The following MALRD1 variants were observed in gnomAD, a reference collection of about 807,000 sequenced individuals.
MALRD1 encodes MAM and LDL receptor class A domain containing 1.
In MALRD1, 247 loss-of-function variants were observed where a neutral mutation model predicts 242.1. The ratio of observed to expected loss-of-function variants is 1.02; its 90% CI spans 0.92 to 1.13. MALRD1 has a LOEUF of 1.13. Among genes scored for constraint, MALRD1 ranks in the 50% most tolerant of loss-of-function variants. MALRD1 has a pLI of 0.00. For missense variants in MALRD1, 2,989 were observed against 2,533.1 expected, an observed-to-expected ratio of 1.18 and a Z score of -3.86; for synonymous variants, 995 against 866.6, an observed-to-expected ratio of 1.15 and a Z score of -2.60.
chr10:19,604,010 G>C (rs566930759), intron 34 of MALRD1, among the ~76,000 whole-genome samples: 128 of 152,238 alleles, frequency 8.4e-4, no homozygotes, highest in Non-Finnish European at 1.5e-3. Flanking sequence ...TAGCTTCTAC[G>C]TATTCAAGTG....
At chr10:19,733,927 G>T (rs911748628) in intron 39 of MALRD1, among the ~76,000 whole-genome samples, 7 of 152,120 alleles carry the variant, frequency 4.6e-5, no homozygotes, top group African/African-American at 1.7e-4. Flanking sequence ...GACCAGAGGT[G>T]AGGCAGTGGT....
chr10:19,450,232 C>T (rs973516980), intron 28 of MALRD1, 75 bp from the exon 29 acceptor site: 11 of 1,235,518 alleles, frequency 8.9e-6, no homozygotes, highest in South Asian at 1.6e-5. Flanking sequence ...AGATAAATAA[C>T]TGGGTTTTGC....
chr10:19,232,960 C>G (rs1838148805), intron 18 of MALRD1, among the ~76,000 whole-genome samples: 1 of 152,140 alleles, frequency 6.6e-6, no homozygotes, highest in African/African-American at 2.4e-5. Flanking sequence ...GTTTCTAATT[C>G]TTTCTGCTAG....
intron 32 of MALRD1, among the ~76,000 whole-genome samples, chr10:19,562,302 T>TAGAC (rs1330845141): frequency 2.6e-4 from 18 of 70,404 alleles, no homozygotes; most frequent in African/African-American, 1.2e-3. Context: ...CTTAGGTAGA[T>TAGAC]AGATAGATAG....
chr10:19,225,849 T>C (rs16915627), intron 18 of MALRD1, among the ~76,000 whole-genome samples: 31,456 of 152,122 alleles, frequency 0.21, 3,521 homozygotes, highest in East Asian at 0.35. Flanking sequence ...ATTTCTATCC[T>C]CTGGCTTTCT....
intron 18 of MALRD1, among the ~76,000 whole-genome samples, chr10:19,217,198 T>C (rs995238836): frequency 3.3e-5 from 5 of 152,118 alleles, no homozygotes; most frequent in Non-Finnish European, 7.3e-5. Context: ...TTAAAACCCA[T>C]TGGTGGCTTT....
intron 38 of MALRD1, among the ~76,000 whole-genome samples, chr10:19,704,441 T>C (rs1182429429): frequency 6.6e-6 from 1 of 152,286 alleles, no homozygotes; most frequent in East Asian, 1.9e-4. Flanking sequence ...TGCCTTCTTA[T>C]AAGGGCATGA....
chr10:19,673,568 A>G (rs1314516681), intron 36 of MALRD1, among the ~76,000 whole-genome samples: 1 of 152,130 alleles, frequency 6.6e-6, no homozygotes. Context: ...TCTTCTGTGC[A>G]TAAGATTTTT....
At chr10:19,694,892 A>G (rs1589411676) in intron 38 of MALRD1, among the ~76,000 whole-genome samples, 4 of 152,234 alleles carry the variant, frequency 2.6e-5, no homozygotes, top group South Asian at 4.1e-4. Flanking sequence ...CTATGCAGCC[A>G]TAAAAAATGA....
At chr10:19,406,970 A>G (rs1463161662) in intron 28 of MALRD1, among the ~76,000 whole-genome samples, 1 of 152,158 alleles carries the variant, frequency 6.6e-6, no homozygotes, top group Non-Finnish European at 1.5e-5. Context: ...CCTCGTGTAT[A>G]CCTTCCACCA....
In MALRD1 at chr10:19,668,317, G is replaced by A. The variant is rs139637732; in HGVS notation, c.6138-23965G>A. Among the ~76,000 whole-genome samples the A allele has an allele frequency of 5.9e-3, 905 of 152,186 alleles. 5 individuals are homozygous for A. The highest frequency in any genetic ancestry group is 8.1e-3 in the Non-Finnish European group (551 of 68,004). On this transcript the variant is annotated intron_variant, in intron 36 of 39. Coordinates refer to ENST00000454679, the MANE Select transcript of MALRD1 (RefSeq NM_001142308.3). Reference sequence around the variant, plus strand: ...AAAGATGGAAGTATTTCTCAATGGGGAGGCAAAATGACACCAGAATGAAGC... The same window carrying A: ...AAAGATGGAAGTATTTCTCAATGGGAAGGCAAAATGACACCAGAATGAAGC...
chr10:19,113,983 A>G (rs778550438), intron 5 of MALRD1, among the ~76,000 whole-genome samples: 1 of 152,228 alleles, frequency 6.6e-6, no homozygotes, highest in Non-Finnish European at 1.5e-5. Flanking sequence ...TGATTGAACA[A>G]AGAACATGTG....
At chr10:19,165,406 G>T (rs1834646666) in intron 12 of MALRD1, among the ~76,000 whole-genome samples, 1 of 151,422 alleles carries the variant, frequency 6.6e-6, no homozygotes, top group Non-Finnish European at 1.5e-5. Flanking sequence ...GGGTTCAAGT[G>T]ATTCTTCTAC....
At position 19,214,075 on chromosome 10, in the gene MALRD1, G is replaced by A. The variant is rs539515206; in HGVS notation, c.2991+4395G>A. Among the ~76,000 whole-genome samples the A allele has an allele frequency of 6.6e-5, 10 of 152,252 alleles. No homozygotes were observed. In the East Asian group the frequency reaches 1.5e-3, roughly 24 times the overall value. ...ACCATAGGTACTTTTCTCTATGCCT[G>A]TCCTAACAATTACTTAGCTATGTAC... On this transcript the variant is annotated intron_variant, in intron 18 of 39. Transcript: ENST00000454679.
chr10:19,515,561 A>G (rs1362239101), intron 31 of MALRD1, among the ~76,000 whole-genome samples: 1 of 149,680 alleles, frequency 6.7e-6, no homozygotes, highest in African/African-American at 2.5e-5. Flanking sequence ...TTTAATTTTT[A>G]TTTATTTATT....
intron 30 of MALRD1, among the ~76,000 whole-genome samples, chr10:19,496,967 T>C (rs1837746741): frequency 6.6e-6 from 1 of 152,028 alleles, no homozygotes; most frequent in African/African-American, 2.4e-5. Context: ...TATTTTGAGA[T>C]TGAGTGAATG....
At chr10:19,418,758 G>A (rs1414490821) in intron 28 of MALRD1, among the ~76,000 whole-genome samples, 3 of 152,034 alleles carry the variant, frequency 2.0e-5, no homozygotes, top group African/African-American at 7.3e-5. Flanking sequence ...AAATCTTAAG[G>A]TCAATAAATT....
chr10:19,260,091 C>T (rs996313578), intron 19 of MALRD1, among the ~76,000 whole-genome samples: 1 of 152,088 alleles, frequency 6.6e-6, no homozygotes, highest in Non-Finnish European at 1.5e-5. Flanking sequence ...TATATACTCT[C>T]GTTATATATT....
rs566535099 is a variant in MALRD1 at position 19,713,204 on chromosome 10, A to C, written c.6315-17502A>C. ...AGAAACAGGAAATAAAAAGACACAT[A>C]AAATATTAGTCCAACTTTCTTATTC... On this transcript the variant is annotated intron_variant, in intron 38 of 39. Coordinates refer to ENST00000454679, the MANE Select transcript of MALRD1 (RefSeq NM_001142308.3). Among the ~76,000 whole-genome samples the C allele has an allele frequency of 2.6e-5, 4 of 152,310 alleles. No homozygotes were observed. The East Asian group carries it at 7.7e-4, about 29-fold the overall frequency.
Sources: allele counts gnomAD v4.1 joint callset (sites outside exome capture counted in the v4.1 genomes callset), GRCh38; gene constraint gnomAD v4.1.1; transcripts MANE v1.5; gene names NCBI Gene and HGNC (gene_info 2026-07-23, HGNC 2026-07-21).